Variants in PDE6C observed in about 807,000 individuals in gnomAD.
PDE6C encodes phosphodiesterase 6C, also known as cone cGMP-specific 3',5'-cyclic phosphodiesterase subunit alpha'.
In PDE6C, 75 loss-of-function variants were observed where a neutral mutation model predicts 113.1. That is an observed-to-expected ratio of 0.66 (90% CI 0.55 to 0.80). The LOEUF (loss-of-function observed/expected upper bound fraction) is 0.80, where lower values mean the gene tolerates loss of function less well. Among genes scored for constraint, PDE6C ranks in the 30% least tolerant of loss-of-function variants. The pLI is 0.00. For missense variants in PDE6C, 912 were observed against 1,038.6 expected, an observed-to-expected ratio of 0.88 and a Z score of 1.67; for synonymous variants, 375 against 363.7, an observed-to-expected ratio of 1.03 and a Z score of -0.35.
Position 93,658,956 on chromosome 10 carries a change from G to C in PDE6C, c.2092G>C (p.Glu698Gln). ...VDACEQMQTE[E>Q]EAIKYVTVDP... ...TGCCTGTGAACAAATGCAAACGGAA[G>C]AAGAAGCCATCAAATATGTAACTGT... The change falls in exon 17 of 22, where the codon GAA (glutamate) becomes CAA (glutamine). Residue 698 changes from glutamate to glutamine, a missense_variant. Physicochemically the swap from Glu to Gln is conservative, Grantham distance 29. Coordinates refer to ENST00000371447, the MANE Select transcript of PDE6C (RefSeq NM_006204.4). 3.1e-6 allele frequency: 5 copies of C among 1,613,254 alleles called. No homozygotes were observed. Among genetic ancestry groups the C allele is most frequent in the Non-Finnish European group, 4.2e-6 (5 of 1,179,342 alleles).
intron 18 of PDE6C, 47 bp downstream of exon 18, chr10:93,659,214 C>G (rs1564806010): frequency 7.9e-7 from 1 of 1,267,970 alleles, no homozygotes; most frequent in Admixed American, 1.7e-5. Context: ...CAGGTACTGC[C>G]TAGGTCCCAT....
chr10:93,662,839 T>A (rs139037995), intron 20 of PDE6C, among the ~76,000 whole-genome samples, 189 bp from the exon 21 acceptor site: 4 of 152,258 alleles, frequency 2.6e-5, no homozygotes, highest in African/African-American at 9.6e-5. Flanking sequence ...GTGAGCGAAC[T>A]GAACACTTCC....
chr10:93,618,620 C>T (rs116820557), intron 1 of PDE6C, among the ~76,000 whole-genome samples: 4,305 of 152,286 alleles, frequency 0.028, 82 homozygotes, highest in Middle Eastern at 0.044. Context: ...GGTACCATTT[C>T]TGGTGATCCT....
chr10:93,615,260 C>T (rs2058414859), intron 1 of PDE6C, among the ~76,000 whole-genome samples: 1 of 152,202 alleles, frequency 6.6e-6, no homozygotes, highest in African/African-American at 2.4e-5. Context: ...CACTGCACTC[C>T]AGCCTGGGTG....
Position 93,637,003 on chromosome 10 carries a change from A to G in PDE6C, c.1422A>G (p.Gln474=), listed in dbSNP as rs967379923. The change falls in exon 11 of 22, where the codon CAA becomes CAG. Residue 474 remains glutamine (Q), a synonymous_variant. Transcript: ENST00000371447. ...PEEIKSILKF[Q]EKLNVDVIDD... Reference sequence around the variant, plus strand: ...TTGCTTTTACATTTTAGAAATTTCAAGAGAAGTTAAATGTTGATGTAATTG... The same window carrying G: ...TTGCTTTTACATTTTAGAAATTTCAGGAGAAGTTAAATGTTGATGTAATTG... 3 of 1,586,070 alleles carry G rather than the reference A, an allele frequency of 1.9e-6. No homozygotes were observed. Among genetic ancestry groups the G allele is most frequent in the African/African-American group, 1.3e-5 (1 of 74,368 alleles).
Position 93,621,144 on chromosome 10 carries a change from C to T in PDE6C, c.723+164C>T, listed in dbSNP as rs1444997780. Among the ~76,000 whole-genome samples the T allele has an allele frequency of 3.3e-5, 5 of 152,250 alleles. No homozygotes were observed. The East Asian group carries it at 7.7e-4, about 24-fold the overall frequency. On this transcript the variant is annotated intron_variant, in intron 3 of 21. Coordinates refer to ENST00000371447, the MANE Select transcript of PDE6C (RefSeq NM_006204.4). Reference sequence around the variant, plus strand: ...GTCCTCTCATGATCTTCCCGCCACTCTCCCCACACACACTCCCCTGCACCC... The same window carrying T: ...GTCCTCTCATGATCTTCCCGCCACTTTCCCCACACACACTCCCCTGCACCC...
chr10:93,655,988 A>G, intron 16 of PDE6C, 128 bp downstream of exon 16: 1 of 725,184 alleles, frequency 1.4e-6, no homozygotes, highest in Non-Finnish European at 2.6e-6. Context: ...ACACACACAC[A>G]CACATACACA....
In PDE6C at chr10:93,656,720, C is replaced by G. The variant is rs1050689301; in HGVS notation, c.2036+860C>G. On this transcript the variant is annotated intron_variant, in intron 16 of 21. Transcript: ENST00000371447. ...GAGTAGCTGGGACTTCAGTCTCCCA[C>G]CACCACATCTGGCTAATTTTTATAT... Among the ~76,000 whole-genome samples, 8 of 152,024 alleles carry G rather than the reference C, an allele frequency of 5.3e-5. No homozygotes were observed. The South Asian group carries it at 1.7e-3, about 32-fold the overall frequency.
chr10:93,612,841 A>G lies in PDE6C; in HGVS notation c.116A>G (p.Asn39Ser). The change falls in exon 1 of 22, where the codon AAC becomes AGC. Residue 39 changes from asparagine (N) to serine (S), a missense_variant. Asn to Ser is a conservative substitution (Grantham distance 46). Transcript: ENST00000371447. ...RVEVLGEIFK[N>S]SQVPVQSSMS... ...GAGGTGCTGGGAGAAATCTTCAAGA[A>G]CAGCCAGGTGCCAGTCCAGTCCAGC... 1 of 1,614,154 alleles carries G rather than the reference A, an allele frequency of 6.2e-7. No homozygotes were observed. The highest frequency in any genetic ancestry group is 1.1e-5 in the South Asian group (1 of 91,082).
At chr10:93,634,652 G>T in intron 8 of PDE6C, 106 bp from the exon 9 acceptor site, 5 of 1,158,120 alleles carry the variant, frequency 4.3e-6, no homozygotes, top group Non-Finnish European at 6.3e-6. Flanking sequence ...TGGGTGAAGG[G>T]TACCTGAAAT....
chr10:93,631,269 C>T (rs1228461109), intron 8 of PDE6C, among the ~76,000 whole-genome samples: 2 of 152,202 alleles, frequency 1.3e-5, no homozygotes, highest in African/African-American at 4.8e-5. Context: ...CTTCTCAGAT[C>T]TCCACCTGTG....
At chr10:93,656,962 G>T (rs949207060) in intron 16 of PDE6C, among the ~76,000 whole-genome samples, 4 of 152,038 alleles carry the variant, frequency 2.6e-5, no homozygotes, top group African/African-American at 9.7e-5. Flanking sequence ...TTTAACAAAT[G>T]CGAAATTTTG....
At chr10:93,621,799 A>G in intron 3 of PDE6C, 133 bp from the exon 4 acceptor site, 1 of 821,740 alleles carries the variant, frequency 1.2e-6, no homozygotes, top group Non-Finnish European at 2.0e-6. Context: ...ACACATGTTC[A>G]AAATCAGAAT....
chr10:93,664,718 T>C (rs976602588), intron 21 of PDE6C, among the ~76,000 whole-genome samples: 3 of 152,158 alleles, frequency 2.0e-5, no homozygotes, highest in Non-Finnish European at 2.9e-5. Flanking sequence ...TGCTACTACA[T>C]AGAGAATTCT....
At position 93,617,305 on chromosome 10, in the gene PDE6C, A is replaced by T. The variant is rs1422174491; in HGVS notation, c.481-3327A>T. On this transcript the variant is annotated intron_variant, in intron 1 of 21. Transcript: ENST00000371447. ...AACCCCTCCCCCATCCCCATCCTGT[A>T]ACTTAATGGCTGGTTTATCTAGGGC... Among the ~76,000 whole-genome samples, 5 of 152,334 alleles carry T rather than the reference A, an allele frequency of 3.3e-5. No homozygotes were observed. The East Asian group carries it at 9.7e-4, about 29-fold the overall frequency.
intron 1 of PDE6C, among the ~76,000 whole-genome samples, chr10:93,616,125 G>A (rs570308292): frequency 6.6e-6 from 1 of 152,208 alleles, no homozygotes; most frequent in African/African-American, 2.4e-5. Context: ...TCTGACAAGG[G>A]TCATATTTTT....
intron 1 of PDE6C, among the ~76,000 whole-genome samples, chr10:93,613,441 AG>A (rs2058402754): frequency 6.6e-6 from 1 of 152,232 alleles, no homozygotes; most frequent in Admixed American, 6.5e-5. Context: ...CTGAAGTATA[AG>A]TATGTCCCAT....
At chr10:93,663,687 T>TC (rs10699606) in intron 21 of PDE6C, among the ~76,000 whole-genome samples, 1 of 151,592 alleles carries the variant, frequency 6.6e-6, no homozygotes, top group African/African-American at 2.4e-5. Context: ...CCCAAATGTC[T>TC]CATTGGGAGA....
At position 93,620,924 on chromosome 10, in the gene PDE6C, A is replaced by T; in HGVS notation, c.667A>T (p.Ile223Phe). The change falls in exon 3 of 22, where the codon ATC (isoleucine) becomes TTC (phenylalanine). Residue 223 changes from isoleucine (I) to phenylalanine (F), a missense_variant. Ile to Phe is a conservative substitution (Grantham distance 21). Transcript: ENST00000371447. ...FSKYLNFVSI[I>F]LRLHHTSYMY... Reference sequence around the variant, plus strand: ...CAAATACCTCAACTTTGTGTCTATCATCCTAAGGCTTCATCACACCAGCTA... The same window carrying T: ...CAAATACCTCAACTTTGTGTCTATCTTCCTAAGGCTTCATCACACCAGCTA... 2 of 1,614,108 alleles carry T rather than the reference A, an allele frequency of 1.2e-6. No individual in the cohort carries two copies. Among genetic ancestry groups the T allele is most frequent in the Non-Finnish European group, 1.7e-6 (2 of 1,180,010 alleles).
Sources: gnomAD v4.1 joint callset for allele counts (sites outside exome capture counted in the v4.1 genomes callset) on GRCh38, gnomAD v4.1.1 for gene constraint, MANE v1.5 for transcripts, NCBI Gene and HGNC (gene_info 2026-07-23, HGNC 2026-07-21) for gene names.